Variants in STXBP6 observed in about 807,000 individuals in gnomAD.
STXBP6 encodes the protein syntaxin-binding protein 6.
STXBP6 carries 21 observed loss-of-function variants against 26.9 expected under a neutral mutation model. The observed-to-expected ratio is 0.78, with a 90% CI of 0.55 to 1.12. The LOEUF (loss-of-function observed/expected upper bound fraction) is 1.12, where lower values mean the gene tolerates loss of function less well. STXBP6 is among the 50% of genes most tolerant of loss of function. STXBP6 has a pLI of 0.00. For synonymous variants in STXBP6, 97 were observed against 92.6 expected (o/e 1.05, Z -0.27); for missense variants, 232 against 257.9 (o/e 0.90, Z 0.69).
chr14:25,026,639 G>A (rs1224737905), intron 1 of STXBP6, among the ~76,000 whole-genome samples: 1 of 152,178 alleles, frequency 6.6e-6, no homozygotes, highest in Non-Finnish European at 1.5e-5. Flanking sequence ...AGAGAGGATG[G>A]TGGCTCCATA....
intron 1 of STXBP6, among the ~76,000 whole-genome samples, chr14:25,022,975 A>T (rs2075286570): frequency 6.6e-6 from 1 of 152,180 alleles, no homozygotes; most frequent in Admixed American, 6.5e-5. Context: ...GGGTAAGGGG[A>T]TACTTGTTAC....
At chr14:25,010,574 C>T (rs2075005837) in intron 1 of STXBP6, 1 of 152,232 alleles carries the variant, frequency 6.6e-6, no homozygotes, top group South Asian at 2.1e-4. Context: ...AAACTCCACA[C>T]ACAAAGCACC....
At chr14:24,986,404 C>T (rs1043514503) in intron 1 of STXBP6, among the ~76,000 whole-genome samples, 1 of 152,154 alleles carries the variant, frequency 6.6e-6, no homozygotes, top group Non-Finnish European at 1.5e-5. Context: ...CTACAGTCTC[C>T]AGGCTCTGAG....
chr14:24,856,715 T>G (rs1027516955), intron 3 of STXBP6, among the ~76,000 whole-genome samples: 8 of 100,404 alleles, frequency 8.0e-5, no homozygotes, highest in African/African-American at 2.0e-4. Flanking sequence ...GGTAAACATG[T>G]TTTTTTTTTT....
At position 24,890,961 on chromosome 14, in the gene STXBP6, T is replaced by C. The variant is rs74037685; in HGVS notation, c.155-33804A>G. Among the ~76,000 whole-genome samples, 1,420 of 152,324 alleles carry C rather than the reference T, an allele frequency of 9.3e-3. 16 individuals carry two copies. Among genetic ancestry groups the C allele is most frequent in the African/African-American group, 0.031 (1,291 of 41,558 alleles). ...AGAATTACATTTTCAACAGGCAAGT[T>C]GTTTGTGCCAGTGCACTGCTGCCAT... On this transcript the variant is annotated intron_variant, in intron 2 of 5. Transcript: ENST00000323944.
At chr14:24,868,388 A>G (rs1010933272) in intron 2 of STXBP6, among the ~76,000 whole-genome samples, 3 of 152,208 alleles carry the variant, frequency 2.0e-5, no homozygotes, top group Admixed American at 6.5e-5. Context: ...TTAAAACCAC[A>G]ATAAGATATT....
At position 25,026,391 on chromosome 14, in the gene STXBP6, G is replaced by A. The variant is rs531893012; in HGVS notation, c.-33+23487C>T. Among the ~76,000 whole-genome samples the A allele has an allele frequency of 4.6e-5, 7 of 152,268 alleles. No homozygotes were observed. In the South Asian group the frequency reaches 1.2e-3, roughly 27 times the overall value. ...ATCCCCTAAAGCCAGGTGTGCTTTG[G>A]AATTCAGCATTCTTGACTTTTTAGA... On this transcript the variant is annotated intron_variant, in intron 1 of 5. Transcript: ENST00000323944.
intron 2 of STXBP6, among the ~76,000 whole-genome samples, chr14:24,889,456 C>T (rs1015034003): frequency 6.8e-6 from 1 of 147,618 alleles, no homozygotes; most frequent in East Asian, 2.1e-4. Flanking sequence ...AGGAGATATA[C>T]CTAATGCTAA....
At chr14:24,859,946 T>C (rs2069474594) in intron 2 of STXBP6, among the ~76,000 whole-genome samples, 1 of 152,224 alleles carries the variant, frequency 6.6e-6, no homozygotes, top group Non-Finnish European at 1.5e-5. Flanking sequence ...CGCTTTGCTA[T>C]TAGCTCTGAA....
intron 2 of STXBP6, among the ~76,000 whole-genome samples, chr14:24,863,320 G>T (rs778122696): frequency 1.1e-4 from 17 of 152,028 alleles, no homozygotes; most frequent in Non-Finnish European, 2.2e-4. Context: ...TGGCCTTTGA[G>T]CTTCTTGTGG....
At position 25,043,921 on chromosome 14, in the gene STXBP6, G is replaced by C. The variant is rs1043535378; in HGVS notation, c.-33+5957C>G. The stretch of plus-strand genomic sequence containing the variant: ...TGGCCAGGCGCAGTGGCTCATGCCT[G>C]TAATCCCAGAGGTCAAGGCAGGTGG... On this transcript the variant is annotated intron_variant, in intron 1 of 5. Transcript: ENST00000323944. Among the ~76,000 whole-genome samples the C allele has an allele frequency of 3.3e-5, 5 of 152,276 alleles. No individual in the cohort carries two copies. In the East Asian group the frequency reaches 9.7e-4, roughly 29 times the overall value.
At chr14:24,886,359 A>G (rs1250373309) in intron 2 of STXBP6, among the ~76,000 whole-genome samples, 1 of 152,200 alleles carries the variant, frequency 6.6e-6, no homozygotes. Flanking sequence ...TTATACCTCC[A>G]TGTTCTTACC....
At chr14:24,886,032 T>C (rs951506588) in intron 2 of STXBP6, among the ~76,000 whole-genome samples, 3 of 152,208 alleles carry the variant, frequency 2.0e-5, no homozygotes, top group South Asian at 2.1e-4. Flanking sequence ...TGTTAACACA[T>C]TGCCTGGTCT....
At chr14:25,017,864 T>C (rs1262046552) in intron 1 of STXBP6, among the ~76,000 whole-genome samples, 1 of 144,096 alleles carries the variant, frequency 6.9e-6, no homozygotes, top group Non-Finnish European at 1.5e-5. Flanking sequence ...GAGGCTCAAT[T>C]GCCTCACCCG....
chr14:24,954,733 T>A (rs1225412985), intron 2 of STXBP6, among the ~76,000 whole-genome samples: 1 of 152,152 alleles, frequency 6.6e-6, no homozygotes, highest in Non-Finnish European at 1.5e-5. Context: ...CATAAGGCAG[T>A]AAAATAGTCA....
chr14:24,962,692 A>G (rs1440527417), intron 2 of STXBP6, among the ~76,000 whole-genome samples: 1 of 152,152 alleles, frequency 6.6e-6, no homozygotes, highest in African/African-American at 2.4e-5. Flanking sequence ...GGGTTTTAAA[A>G]TAAGTTAATT....
intron 2 of STXBP6, among the ~76,000 whole-genome samples, chr14:24,895,737 ATAG>A (rs2070966270): frequency 1.3e-5 from 2 of 152,246 alleles, no homozygotes; most frequent in Admixed American, 6.5e-5. Context: ...ATATCAGAGC[ATAG>A]GCTCTGCAGG....
intron 2 of STXBP6, 107 bp from the exon 3 acceptor site, chr14:24,857,264 G>C: frequency 7.0e-7 from 1 of 1,433,018 alleles, no homozygotes; most frequent in East Asian, 2.3e-5. Flanking sequence ...CACAATAACA[G>C]AGAGAAGGCA....
intron 1 of STXBP6, among the ~76,000 whole-genome samples, chr14:25,020,253 A>C (rs2075237399): frequency 1.3e-5 from 2 of 152,210 alleles, no homozygotes; most frequent in Non-Finnish European, 1.5e-5. Flanking sequence ...CTAGGAACTC[A>C]AGATGTTTAA....
Sources: gnomAD v4.1 joint callset for allele counts (sites outside exome capture counted in the v4.1 genomes callset) on GRCh38, gnomAD v4.1.1 for gene constraint, MANE v1.5 for transcripts, NCBI Gene and HGNC (gene_info 2026-07-23, HGNC 2026-07-21) for gene names.